Variants in THSD7B observed in about 807,000 individuals in gnomAD.
The protein encoded by THSD7B is thrombospondin type 1 domain containing 7B, also known as thrombospondin type-1 domain-containing protein 7B.
Under a neutral mutation model 213.6 loss-of-function variants are expected in THSD7B, and 138 were observed. That is an observed-to-expected ratio of 0.65 (90% confidence interval 0.56 to 0.74). The LOEUF is 0.74. Among genes scored for constraint, THSD7B ranks in the 30% least tolerant of loss-of-function variants. The pLI, the probability that THSD7B is intolerant of heterozygous loss-of-function variation, is 0.00. For missense variants in THSD7B, 1,931 were observed against 1,991.5 expected (o/e 0.97, Z 0.58); for synonymous variants, 742 against 687.0 (o/e 1.08, Z -1.25).
intron 14 of THSD7B, among the ~76,000 whole-genome samples, chr2:137,425,135 A>C (rs1687024093): frequency 6.6e-6 from 1 of 151,156 alleles, no homozygotes; most frequent in African/African-American, 2.4e-5. Flanking sequence ...AGTCAAATAG[A>C]AACCATATTC....
intron 12 of THSD7B, among the ~76,000 whole-genome samples, chr2:137,309,011 A>C (rs1015412833): frequency 6.6e-6 from 1 of 152,132 alleles, no homozygotes; most frequent in South Asian, 2.1e-4. Context: ...ACCTACTTCT[A>C]TAAGTGGAAT....
chr2:137,118,914 A>G (rs1688492230), intron 5 of THSD7B, among the ~76,000 whole-genome samples: 1 of 152,176 alleles, frequency 6.6e-6, no homozygotes, highest in South Asian at 2.1e-4. Context: ...AAAGAATGAG[A>G]GCCAAGCAAA....
intron 3 of THSD7B, among the ~76,000 whole-genome samples, chr2:137,091,667 T>C (rs1687950972): frequency 6.6e-6 from 1 of 152,080 alleles, no homozygotes; most frequent in African/African-American, 2.4e-5. Flanking sequence ...GTCTTTCCTG[T>C]GTATGTGCCT....
intron 12 of THSD7B, among the ~76,000 whole-genome samples, chr2:137,359,211 T>C (rs1685199985): frequency 6.6e-6 from 1 of 152,178 alleles, no homozygotes; most frequent in African/African-American, 2.4e-5. Context: ...TAAAATTGTA[T>C]CCAACCTTCA....
intron 20 of THSD7B, among the ~76,000 whole-genome samples, chr2:137,624,337 T>C (rs567093675): frequency 3.3e-4 from 51 of 152,298 alleles, no homozygotes; most frequent in African/African-American, 1.2e-3. Context: ...TCAAGATGGA[T>C]TAAAGACTTA....
chr2:137,426,783 A>C (rs557950480), intron 14 of THSD7B, among the ~76,000 whole-genome samples: 1 of 152,312 alleles, frequency 6.6e-6, no homozygotes, highest in Admixed American at 6.5e-5. Context: ...ACCAGCAACA[A>C]AAACAAAAAT....
intron 7 of THSD7B, among the ~76,000 whole-genome samples, chr2:137,195,802 G>C (rs1487217198): frequency 6.6e-6 from 1 of 152,058 alleles, no homozygotes; most frequent in Non-Finnish European, 1.5e-5. Flanking sequence ...AATCATCAAC[G>C]AATGTTGACA....
chr2:137,445,744 A>T (rs1901804), intron 14 of THSD7B, among the ~76,000 whole-genome samples: 34,545 of 151,742 alleles, frequency 0.23, 4,096 homozygotes, highest in South Asian at 0.28. Flanking sequence ...TGTACATTTC[A>T]AAAAAGTATG....
intron 14 of THSD7B, among the ~76,000 whole-genome samples, chr2:137,423,358 T>G (rs941258220): frequency 6.6e-6 from 1 of 152,032 alleles, no homozygotes; most frequent in African/African-American, 2.4e-5. Flanking sequence ...CTACATCTAT[T>G]GGCAGATAAA....
intron 10 of THSD7B, among the ~76,000 whole-genome samples, chr2:137,245,883 G>A (rs1334061726): frequency 2.6e-5 from 4 of 152,178 alleles, no homozygotes; most frequent in Non-Finnish European, 5.9e-5. Flanking sequence ...GTGCATACAA[G>A]TCCCCTGGGG....
At chr2:137,058,594 T>G (rs1687210943) in intron 3 of THSD7B, among the ~76,000 whole-genome samples, 2 of 152,230 alleles carry the variant, frequency 1.3e-5, no homozygotes, top group African/African-American at 4.8e-5. Flanking sequence ...GATAGTTTCA[T>G]AAACAAACAT....
intron 20 of THSD7B, among the ~76,000 whole-genome samples, chr2:137,634,731 T>C (rs1682802085): frequency 2.6e-5 from 4 of 152,218 alleles, no homozygotes; most frequent in Admixed American, 2.6e-4. Flanking sequence ...TGACTTCCTT[T>C]CTTTTTCTAA....
chr2:137,476,287 ATTG>A, intron 15 of THSD7B, among the ~76,000 whole-genome samples: 1 of 152,022 alleles, frequency 6.6e-6, no homozygotes, highest in East Asian at 1.9e-4. Context: ...CACTCTGTTG[ATTG>A]TTATCTGTGT....
chr2:137,204,403 A>G (rs1680941123), intron 7 of THSD7B, among the ~76,000 whole-genome samples: 1 of 152,048 alleles, frequency 6.6e-6, no homozygotes, highest in Non-Finnish European at 1.5e-5. Flanking sequence ...TCTGATTTCC[A>G]TATATTCTGT....
At chr2:137,085,512 A>G (rs984206281) in intron 3 of THSD7B, among the ~76,000 whole-genome samples, 58 of 152,296 alleles carry the variant, frequency 3.8e-4, no homozygotes, top group African/African-American at 1.3e-3. Context: ...AGAAATGAAC[A>G]TTAAAAATCT....
At chr2:137,158,790 A>G (rs7571013) in intron 5 of THSD7B, among the ~76,000 whole-genome samples, 114,929 of 152,116 alleles carry the variant, frequency 0.76, 43,803 homozygotes, top group African/African-American at 0.83. Flanking sequence ...AGTAGATGGT[A>G]TGATTTACAA....
chr2:136,929,060 A>G (rs1684588890), intron 2 of THSD7B, among the ~76,000 whole-genome samples: 1 of 152,204 alleles, frequency 6.6e-6, no homozygotes, highest in Non-Finnish European at 1.5e-5. Flanking sequence ...AGCCATCAAC[A>G]TGAAAAACGT....
intron 7 of THSD7B, among the ~76,000 whole-genome samples, chr2:137,206,060 T>C (rs1220390841): frequency 2.8e-5 from 4 of 145,222 alleles, no homozygotes; most frequent in African/African-American, 1.0e-4. Context: ...TTTTTTTTTA[T>C]CTAAATGTCT....
chr2:137,040,062 C>A (rs998078983), intron 2 of THSD7B, among the ~76,000 whole-genome samples: 8 of 152,240 alleles, frequency 5.3e-5, no homozygotes, highest in Admixed American at 5.2e-4. Flanking sequence ...TAATAATCAC[C>A]CCCACAGTAC....
Sources: allele counts gnomAD v4.1 joint callset (sites outside exome capture counted in the v4.1 genomes callset), GRCh38; gene constraint gnomAD v4.1.1; transcripts MANE v1.5; gene names NCBI Gene and HGNC (gene_info 2026-07-23, HGNC 2026-07-21).